The following RAB11FIP2 variants were observed in gnomAD, a reference collection of about 807,000 sequenced individuals.
RAB11FIP2 encodes the protein rab11 family-interacting protein 2.
RAB11FIP2 carries 16 observed loss-of-function variants against 40.9 expected under a neutral mutation model. The observed-to-expected ratio is 0.39, with a 90% confidence interval of 0.26 to 0.59. The LOEUF is 0.59. Among genes scored for constraint, RAB11FIP2 ranks in the 20% least tolerant of loss-of-function variants. RAB11FIP2 has a pLI of 0.53. For synonymous variants in RAB11FIP2, 228 were observed against 213.7 expected (o/e 1.07, Z -0.58); for missense variants, 532 against 606.2 (o/e 0.88, Z 1.28).
chr10:118,037,596 T>A (rs1846497495), intron 3 of RAB11FIP2, among the ~76,000 whole-genome samples: 1 of 152,094 alleles, frequency 6.6e-6, no homozygotes, highest in Admixed American at 6.6e-5. Context: ...TTATGTACTT[T>A]CATTTATCCT....
At chr10:118,018,126 A>G (rs1032989662) in intron 3 of RAB11FIP2, 2 of 152,226 alleles carry the variant, frequency 1.3e-5, no homozygotes, top group Non-Finnish European at 2.9e-5. Context: ...TCTGAAGTCT[A>G]AAGGCAGAAC....
intron 3 of RAB11FIP2, among the ~76,000 whole-genome samples, chr10:118,019,812 C>T (rs1279553810): frequency 7.0e-6 from 1 of 143,686 alleles, no homozygotes; most frequent in Non-Finnish European, 1.5e-5. Context: ...GGGGAAGGAG[C>T]GAGACTCTGC....
intron 3 of RAB11FIP2, among the ~76,000 whole-genome samples, chr10:118,017,273 T>C (rs1846232835): frequency 6.6e-6 from 1 of 152,188 alleles, no homozygotes. Flanking sequence ...CCTGAACATA[T>C]AGGCCACATA....
At chr10:118,024,470 C>CGT (rs55723398) in intron 3 of RAB11FIP2, among the ~76,000 whole-genome samples, 21,250 of 131,522 alleles carry the variant, frequency 0.16, 1,829 homozygotes, top group Non-Finnish European at 0.2. Context: ...TCATCATCAT[C>CGT]GTGTGTGTGT....
Position 118,009,118 on chromosome 10 carries a change from G to A in RAB11FIP2, c.1419C>T (p.His473=), listed in dbSNP as rs529280892. 5.0e-6 allele frequency: 8 copies of A among 1,613,606 alleles called. No individual in the cohort carries two copies. The African/African-American group carries it at 9.3e-5, about 19-fold the overall frequency. The change falls in exon 5 of 5, where the codon CAC becomes CAT. Residue 473 remains histidine, a synonymous_variant. Coordinates refer to ENST00000355624, the MANE Select transcript of RAB11FIP2 (RefSeq NM_014904.3). ...HKELLRRKDT[H]IRELEDYIDN... ...CGATGTAGTCCTCGAGTTCCCGGAT[G>A]TGGGTGTCTTTCCTCCTAAGGAGTT...
intron 1 of RAB11FIP2, among the ~76,000 whole-genome samples, chr10:118,041,592 G>C (rs1846559402): frequency 6.6e-6 from 1 of 152,088 alleles, no homozygotes; most frequent in Non-Finnish European, 1.5e-5. Context: ...CCTGCACACA[G>C]GTTATTATTT....
At chr10:118,033,309 G>C (rs1651935119) in intron 3 of RAB11FIP2, among the ~76,000 whole-genome samples, 1 of 151,926 alleles carries the variant, frequency 6.6e-6, no homozygotes, top group South Asian at 2.1e-4. Context: ...ACAAATTGTA[G>C]CTAAAAAAAA....
At chr10:118,035,538 A>T (rs1277822345) in intron 3 of RAB11FIP2, among the ~76,000 whole-genome samples, 1 of 152,118 alleles carries the variant, frequency 6.6e-6, no homozygotes, top group Non-Finnish European at 1.5e-5. Context: ...AAACTGCTAT[A>T]CTGTGTGCAT....
Position 118,007,088 on chromosome 10 carries a change from AGACTC to A in RAB11FIP2, c.*1905_*1909del, listed in dbSNP as rs1027888788. On this transcript the variant is annotated 3_prime_UTR_variant, in exon 5 of 5. Transcript: ENST00000355624. ...TTCACATTTTAAGAAGTGTATGAAA[AGACTC>A]AATAATACTACCAGACAAAAACAAA... 5.0e-4 allele frequency: 76 copies of A among 152,364 alleles called. No individual in the cohort carries two copies. Among genetic ancestry groups the A allele is most frequent in the African/African-American group, 1.7e-3 (71 of 41,512 alleles). 9.4% of individuals were successfully genotyped at this position (152,364 alleles called of 1,614,324 possible).
chr10:118,019,877 T>C (rs1846263186), intron 3 of RAB11FIP2, among the ~76,000 whole-genome samples: 1 of 149,404 alleles, frequency 6.7e-6, no homozygotes, highest in African/African-American at 2.5e-5. Flanking sequence ...GACAAAGGTA[T>C]ATACTGAGAA....
Position 118,007,877 on chromosome 10 carries a change from TTC to T in RAB11FIP2, c.*1119_*1120del, listed in dbSNP as rs1846112261. The T allele has an allele frequency of 6.6e-6, 1 of 152,544 alleles. No individual in the cohort carries two copies. Among genetic ancestry groups the T allele is most frequent in the South Asian group, 2.1e-4 (1 of 4,836 alleles). The allele number at this position is 152,544 out of a possible 1,614,324, so 9.4% of individuals were successfully genotyped here. A position where few individuals can be genotyped will look rare whatever the true frequency, so the allele number is the denominator to read the frequency against. On this transcript the variant is annotated 3_prime_UTR_variant, in exon 5 of 5. Coordinates refer to ENST00000355624, the MANE Select transcript of RAB11FIP2 (RefSeq NM_014904.3). ...AAAGTTCTCTTCTAAAAACTCACTC[TTC>T]CTTTAGTAAGTCTTATTTTGGTTCA...
rs1846108070 is a variant in RAB11FIP2, at chr10:118,007,551, G to A, written c.*1447C>T. On this transcript the variant is annotated 3_prime_UTR_variant, in exon 5 of 5. Transcript: ENST00000355624. ...AAAAATGCAATTCATGGAAAGATTG[G>A]GGAATATGTAAGTCTCCATATGGAC... 6.6e-6 allele frequency: 1 copy of A among 151,746 alleles called. No homozygotes were observed. The highest frequency in any genetic ancestry group is 2.4e-5 in the African/African-American group (1 of 41,340). 9.4% of individuals were successfully genotyped at this position (151,746 alleles called of 1,614,324 possible).
At chr10:118,032,125 A>C (rs1361206438) in intron 3 of RAB11FIP2, among the ~76,000 whole-genome samples, 2 of 152,088 alleles carry the variant, frequency 1.3e-5, no homozygotes, top group Non-Finnish European at 2.9e-5. Flanking sequence ...TCTCTCAAGC[A>C]GAATTCCCTT....
chr10:118,029,605 T>C (rs1467999402), intron 3 of RAB11FIP2, among the ~76,000 whole-genome samples: 1 of 152,046 alleles, frequency 6.6e-6, no homozygotes, highest in Admixed American at 6.6e-5. Flanking sequence ...ATACAGCAAA[T>C]ATTCCAAAAA....
chr10:118,036,447 C>T (rs1008006179), intron 3 of RAB11FIP2, among the ~76,000 whole-genome samples: 3 of 152,092 alleles, frequency 2.0e-5, no homozygotes, highest in Non-Finnish European at 4.4e-5. Context: ...AGGGTTGATA[C>T]TGGGAGGAAA....
chr10:118,040,277 AG>A lies in RAB11FIP2; in HGVS notation c.641del (p.Pro214LeufsTer28). On this transcript the variant is annotated frameshift_variant, in exon 2 of 5. Coordinates refer to ENST00000355624, the MANE Select transcript of RAB11FIP2 (RefSeq NM_014904.3). LOFTEE classifies it high-confidence loss of function. Reference sequence around the variant, plus strand: ...AGAGTCGCTGAGGACCCAAGAGAAAAGGCTTTTTTGGTTTGGATTTCATCTG... The same window carrying A: ...AGAGTCGCTGAGGACCCAAGAGAAAAGCTTTTTTGGTTTGGATTTCATCTG... Reference protein sequence around the residue: ...EIQMKSKPKKPFLLGPQRLSS... With the variant: ...EIQMKSKPKKXFLLGPQRLSS... 3.7e-6 allele frequency: 6 copies of A among 1,613,902 alleles called. No individual in the cohort carries two copies. The highest frequency in any genetic ancestry group is 4.2e-6 in the Non-Finnish European group (5 of 1,179,830).
At chr10:118,026,413 T>C (rs1442179418) in intron 3 of RAB11FIP2, among the ~76,000 whole-genome samples, 1 of 152,136 alleles carries the variant, frequency 6.6e-6, no homozygotes, top group African/African-American at 2.4e-5. Flanking sequence ...ACTACTAGAG[T>C]AGAATTTTAT....
chr10:118,012,259 A>G (rs1314687537), intron 4 of RAB11FIP2, among the ~76,000 whole-genome samples: 1 of 151,922 alleles, frequency 6.6e-6, no homozygotes, highest in Non-Finnish European at 1.5e-5. Context: ...ACTAATGTGT[A>G]GACAGATTTC....
intron 3 of RAB11FIP2, among the ~76,000 whole-genome samples, chr10:118,028,143 A>G (rs1178713743): frequency 6.6e-6 from 1 of 152,138 alleles, no homozygotes; most frequent in Admixed American, 6.6e-5. Context: ...TTTGTGAAAC[A>G]GTTTTTTCTT....
Sources: allele counts gnomAD v4.1 joint callset (sites outside exome capture counted in the v4.1 genomes callset), GRCh38; gene constraint gnomAD v4.1.1; transcripts MANE v1.5; gene names NCBI Gene and HGNC (gene_info 2026-07-23, HGNC 2026-07-21).